Variants in MOB3B observed in about 807,000 individuals in gnomAD.
The protein encoded by MOB3B is MOB kinase activator-like 2B.
MOB3B carries 7 observed loss-of-function variants against 18.7 expected under a neutral mutation model. The ratio of observed to expected loss-of-function variants is 0.37; its 90% CI spans 0.21 to 0.70. MOB3B has a LOEUF of 0.70. Among genes scored for constraint, MOB3B ranks in the 30% least tolerant of loss-of-function variants. The pLI, the probability that MOB3B is intolerant of heterozygous loss-of-function variation, is 0.52. For synonymous variants in MOB3B, 111 were observed against 99.9 expected (o/e 1.11, Z -0.66); for missense variants, 253 against 281.3 (o/e 0.90, Z 0.72).
chr9:27,525,743 C>T (rs1820426607), intron 1 of MOB3B, among the ~76,000 whole-genome samples: 2 of 152,024 alleles, frequency 1.3e-5, no homozygotes, highest in South Asian at 4.1e-4. Flanking sequence ...TTTCATGTGC[C>T]TGAAATAAAA....
intron 2 of MOB3B, among the ~76,000 whole-genome samples, chr9:27,438,199 G>A (rs1375631035): frequency 6.6e-6 from 1 of 152,214 alleles, no homozygotes; most frequent in Non-Finnish European, 1.5e-5. Context: ...TACTGCTTCA[G>A]CATGGGCAAA....
intron 3 of MOB3B, among the ~76,000 whole-genome samples, chr9:27,357,886 T>TCCAAAAAA (rs1563849115): frequency 4.0e-5 from 1 of 25,292 alleles, no homozygotes; most frequent in Admixed American, 7.0e-4. Flanking sequence ...ATCCCATCGC[T>TCCAAAAAA]ACAAAAAAAA....
chr9:27,529,092 C>T (rs1397765408), intron 1 of MOB3B, among the ~76,000 whole-genome samples: 1 of 152,182 alleles, frequency 6.6e-6, no homozygotes, highest in East Asian at 1.9e-4. Flanking sequence ...CGAGACTCCT[C>T]CCTCAGGATC....
At chr9:27,418,091 C>CAAAAAAAAAAAAAAA (rs57850999) in intron 2 of MOB3B, among the ~76,000 whole-genome samples, 859 of 44,066 alleles carry the variant, frequency 0.019, 133 homozygotes, top group Non-Finnish European at 0.027. Flanking sequence ...GACTCCACCT[C>CAAAAAAAAAAAAAAA]AAAAAAAAAA....
intron 2 of MOB3B, among the ~76,000 whole-genome samples, chr9:27,385,644 C>T (rs1195678637): frequency 6.6e-6 from 1 of 152,204 alleles, no homozygotes; most frequent in African/African-American, 2.4e-5. Flanking sequence ...TTTGAAGGTA[C>T]TTTCTGCAGG....
chr9:27,336,537 T>C (rs973237581), intron 3 of MOB3B, among the ~76,000 whole-genome samples: 1 of 152,072 alleles, frequency 6.6e-6, no homozygotes, highest in African/African-American at 2.4e-5. Flanking sequence ...CTGGAAACTT[T>C]GGAAAAATGA....
intron 2 of MOB3B, chr9:27,378,770 C>T (rs1257958982): frequency 2.3e-6 from 1 of 440,410 alleles, no homozygotes; most frequent in Non-Finnish European, 4.7e-6. Flanking sequence ...AAGGTCTTAT[C>T]ACACAGGGAG....
chr9:27,393,048 G>C (rs1268656209), intron 2 of MOB3B, among the ~76,000 whole-genome samples: 1 of 152,112 alleles, frequency 6.6e-6, no homozygotes, highest in East Asian at 1.9e-4. Context: ...TTTATTTTTA[G>C]CTTTTTTTCT....
chr9:27,497,575 G>A (rs980588326), intron 1 of MOB3B, among the ~76,000 whole-genome samples: 1 of 151,650 alleles, frequency 6.6e-6, no homozygotes, highest in Admixed American at 6.6e-5. Context: ...TCTAGTTTCA[G>A]GTGATTTTAA....
chr9:27,365,030 CT>C (rs1821322709), intron 2 of MOB3B, among the ~76,000 whole-genome samples: 1 of 152,124 alleles, frequency 6.6e-6, no homozygotes, highest in Non-Finnish European at 1.5e-5. Flanking sequence ...CTGTGTTATA[CT>C]TTGATTCCAC....
rs757839715 is a variant in MOB3B, at chr9:27,481,058, A to G, written c.-198-25310T>C. ...AGGTAAAACTATTGATCACTTTAGA[A>G]TTTAGTAAGTTAAAGACGCATGCTA... On this transcript the variant is annotated intron_variant, in intron 1 of 3. Coordinates refer to ENST00000262244, the MANE Select transcript of MOB3B (RefSeq NM_024761.5). 2.6e-5 allele frequency among the ~76,000 whole-genome samples: 4 copies of G among 152,330 alleles called. No homozygotes were observed. In the Middle Eastern group the frequency reaches 0.01, roughly 389 times the overall value.
At chr9:27,509,652 A>G (rs1820112814) in intron 1 of MOB3B, among the ~76,000 whole-genome samples, 1 of 151,822 alleles carries the variant, frequency 6.6e-6, no homozygotes, top group Non-Finnish European at 1.5e-5. Flanking sequence ...CCTGACCTCA[A>G]GTGCTCCACC....
At chr9:27,438,053 A>G (rs1235039819) in intron 2 of MOB3B, among the ~76,000 whole-genome samples, 1 of 152,222 alleles carries the variant, frequency 6.6e-6, no homozygotes, top group African/African-American at 2.4e-5. Context: ...ATATTTACTA[A>G]CACCACGAAG....
chr9:27,395,489 C>T (rs577057763), intron 2 of MOB3B, among the ~76,000 whole-genome samples: 1 of 151,998 alleles, frequency 6.6e-6, no homozygotes, highest in African/African-American at 2.4e-5. Context: ...TTGGTATGCC[C>T]CAGACAGAGA....
rs536988618 is a variant in MOB3B, at chr9:27,348,598, A to G, written c.621+10436T>C. Among the ~76,000 whole-genome samples the G allele has an allele frequency of 5.0e-4, 76 of 152,228 alleles. 1 individual carries two copies. Among genetic ancestry groups the G allele is most frequent in the African/African-American group, 1.8e-3 (73 of 41,534 alleles). On this transcript the variant is annotated intron_variant, in intron 3 of 3. Coordinates refer to ENST00000262244, the MANE Select transcript of MOB3B (RefSeq NM_024761.5). ...AACCAGGGAGGTGGAGGTTGCAGTG[A>G]GCCGAGATCATGCCACTGCACTCCA...
chr9:27,462,334 T>C (rs1324899096), intron 1 of MOB3B, among the ~76,000 whole-genome samples: 1 of 147,992 alleles, frequency 6.8e-6, no homozygotes, highest in East Asian at 1.9e-4. Flanking sequence ...GAAAGACACG[T>C]GAATTGAAAA....
rs193022350 is a variant in MOB3B at position 27,490,106 on chromosome 9, C to T, written c.-198-34358G>A. On this transcript the variant is annotated intron_variant, in intron 1 of 3. Transcript: ENST00000262244. ...ACACACAAAGCATCACCTGGCTGGG[C>T]CTCTTGTTCGAGCTCTCTGTAAAAA... Among the ~76,000 whole-genome samples the T allele has an allele frequency of 1.6e-3, 244 of 152,196 alleles. 1 individual carries two copies. Among genetic ancestry groups the T allele is most frequent in the Non-Finnish European group, 3.2e-3 (220 of 68,018 alleles).
intron 1 of MOB3B, among the ~76,000 whole-genome samples, chr9:27,483,451 A>G (rs1295990705): frequency 6.6e-6 from 1 of 152,164 alleles, no homozygotes; most frequent in Admixed American, 6.5e-5. Context: ...TACTTCTTTC[A>G]TTGTTAAATC....
intron 1 of MOB3B, among the ~76,000 whole-genome samples, chr9:27,475,310 T>C (rs1819537657): frequency 6.6e-6 from 1 of 152,204 alleles, no homozygotes. Context: ...TTGGGAGAGA[T>C]CCTGAACCGG....
Sources: gnomAD v4.1 joint callset for allele counts (sites outside exome capture counted in the v4.1 genomes callset) on GRCh38, gnomAD v4.1.1 for gene constraint, MANE v1.5 for transcripts, NCBI Gene and HGNC (gene_info 2026-07-23, HGNC 2026-07-21) for gene names.